The following HIVEP1 variants were observed in gnomAD, a reference collection of about 807,000 sequenced individuals.
The protein encoded by HIVEP1 is HIVEP zinc finger 1.
In HIVEP1, 36 loss-of-function variants were observed where a neutral mutation model predicts 180.0. The ratio of observed to expected loss-of-function variants is 0.20; its 90% confidence interval spans 0.15 to 0.26. The LOEUF is 0.26. HIVEP1 is among the 10% of genes least tolerant of loss of function. The probability of loss-of-function intolerance (pLI) is 1.00; values close to 1 mark genes in which losing one functional copy is unlikely to be tolerated. For missense variants in HIVEP1, 3,143 were observed against 3,268.7 expected, an observed-to-expected ratio of 0.96 and a Z score of 0.94; for synonymous variants, 1,239 against 1,239.0, an observed-to-expected ratio of 1.00 and a Z score of 0.00.
intron 2 of HIVEP1, among the ~76,000 whole-genome samples, chr6:12,057,177 A>G (rs1438297575): frequency 2.6e-5 from 4 of 152,198 alleles, no homozygotes; most frequent in African/African-American, 9.6e-5. Flanking sequence ...ATGATATTTT[A>G]GTCTTTTTAT....
the HIVEP1 span, among the ~76,000 whole-genome samples, chr6:12,178,464 T>G: frequency 6.6e-6 from 1 of 152,110 alleles, no homozygotes; most frequent in Non-Finnish European, 1.5e-5. Flanking sequence ...GCAATTCATA[T>G]TAGAAAAAAT....
In HIVEP1 at chr6:12,124,390, A is replaced by C. The variant is rs780041041; in HGVS notation, c.4595A>C (p.Gln1532Pro). 2.5e-6 allele frequency: 4 copies of C among 1,614,114 alleles called. No individual in the cohort carries two copies. The highest frequency in any genetic ancestry group is 3.4e-6 in the Non-Finnish European group (4 of 1,179,974). The stretch of plus-strand genomic sequence containing the variant: ...CACCAGAGCACACAGCTATCTCTGC[A>C]AGTGTCTACGCAGGGTAGCAAGCCA... Reference protein sequence around the residue: ...PSHQSTQLSLQVSTQGSKPDK... With the variant: ...PSHQSTQLSLPVSTQGSKPDK... Residue 1532 changes from glutamine to proline, a missense_variant, in exon 4 of 9, where the codon CAA becomes CCA. Gln to Pro is a moderately conservative substitution (Grantham distance 76). Coordinates refer to ENST00000379388, the MANE Select transcript of HIVEP1 (RefSeq NM_002114.4).
At chr6:12,022,049 G>T (rs1315883984) in intron 2 of HIVEP1, among the ~76,000 whole-genome samples, 3 of 152,220 alleles carry the variant, frequency 2.0e-5, no homozygotes, top group African/African-American at 7.2e-5. Context: ...CCTCGAGTAG[G>T]AAATGCTTCT....
At position 12,091,959 on chromosome 6, in the gene HIVEP1, G is replaced by A. The variant is rs557946052; in HGVS notation, c.94+2722G>A. Among the ~76,000 whole-genome samples the A allele has an allele frequency of 3.9e-5, 6 of 152,244 alleles. No individual in the cohort carries two copies. In the East Asian group the frequency reaches 7.7e-4, roughly 20 times the overall value. Reference sequence around the variant, plus strand: ...TTAACTGGGAAGAAATAAATAGATCGATTAGGAGAGCTTTTATGGCTTTCT... The same window carrying A: ...TTAACTGGGAAGAAATAAATAGATCAATTAGGAGAGCTTTTATGGCTTTCT... On this transcript the variant is annotated intron_variant, in intron 3 of 8. Coordinates refer to ENST00000379388, the MANE Select transcript of HIVEP1 (RefSeq NM_002114.4).
intron 3 of HIVEP1, among the ~76,000 whole-genome samples, chr6:12,108,735 C>T (rs189447882): frequency 3.9e-5 from 6 of 152,310 alleles, no homozygotes; most frequent in East Asian, 1.9e-4. Context: ...GGCCTGCAAG[C>T]GCCGCGCGCA....
At chr6:12,109,044 A>G (rs567500341) in intron 3 of HIVEP1, among the ~76,000 whole-genome samples, 2 of 152,260 alleles carry the variant, frequency 1.3e-5, no homozygotes, top group African/African-American at 4.8e-5. Context: ...CAGCGGCGCG[A>G]TCTTGGCTTA....
intron 2 of HIVEP1, among the ~76,000 whole-genome samples, chr6:12,080,009 G>C (rs1238571921): frequency 6.6e-6 from 1 of 151,666 alleles, no homozygotes; most frequent in Non-Finnish European, 1.5e-5. Flanking sequence ...CTTTGAATGA[G>C]TTATAGTGTC....
At chr6:12,072,001 A>G (rs1252710745) in intron 2 of HIVEP1, among the ~76,000 whole-genome samples, 1 of 151,690 alleles carries the variant, frequency 6.6e-6, no homozygotes, top group Non-Finnish European at 1.5e-5. Context: ...GGATTTGGCA[A>G]CCTTTTTTTG....
chr6:12,179,266 G>A, the HIVEP1 span, among the ~76,000 whole-genome samples: 1 of 152,166 alleles, frequency 6.6e-6, no homozygotes, highest in African/African-American at 2.4e-5. Flanking sequence ...TCAGCTCTGT[G>A]ACTGAGGAAG....
At chr6:12,173,866 G>C in the HIVEP1 span, among the ~76,000 whole-genome samples, 1 of 152,266 alleles carries the variant, frequency 6.6e-6, no homozygotes, top group Non-Finnish European at 1.5e-5. Context: ...GATCAGTCAT[G>C]GAAAGAAAAG....
intron 2 of HIVEP1, among the ~76,000 whole-genome samples, chr6:12,052,333 G>A (rs1355451503): frequency 6.6e-6 from 1 of 152,190 alleles, no homozygotes; most frequent in Non-Finnish European, 1.5e-5. Flanking sequence ...TGTAGAGCAT[G>A]ATGGAATATC....
At chr6:12,172,577 A>T in the HIVEP1 span, among the ~76,000 whole-genome samples, 3 of 152,198 alleles carry the variant, frequency 2.0e-5, no homozygotes, top group African/African-American at 7.2e-5. Context: ...CTAACAAGAT[A>T]TTAGATTTAA....
intron 2 of HIVEP1, among the ~76,000 whole-genome samples, chr6:12,088,413 G>T (rs960633618): frequency 1.3e-5 from 2 of 152,030 alleles, no homozygotes; most frequent in South Asian, 2.1e-4. Context: ...ATCGATTACT[G>T]CCCATGTCAT....
chr6:12,064,392 T>TC (rs1002807187), intron 2 of HIVEP1, among the ~76,000 whole-genome samples: 19 of 152,194 alleles, frequency 1.2e-4, no homozygotes, highest in African/African-American at 4.6e-4. Context: ...AATAAGGTCA[T>TC]CACAAGCAGA....
chr6:12,065,551 A>C (rs1272814032), intron 2 of HIVEP1, among the ~76,000 whole-genome samples: 1 of 152,124 alleles, frequency 6.6e-6, no homozygotes, highest in African/African-American at 2.4e-5. Context: ...TCTGGAGGCA[A>C]ATCTGCCTGG....
In HIVEP1 at chr6:12,123,173, G is replaced by A; in HGVS notation, c.3378G>A (p.Leu1126=). ...ISSAAQDKIE[L]QRHGTGISVI... is the part of the protein sequence containing the mutation. The stretch of plus-strand genomic sequence containing the variant: ...CAGCAGCCCAGGACAAGATAGAACT[G>A]CAGAGACACGGAACTGGAATCTCTG... Residue 1126 remains leucine, a synonymous_variant, in exon 4 of 9, where the codon CTG becomes CTA. Transcript: ENST00000379388. The A allele has an allele frequency of 6.2e-7, 1 of 1,614,202 alleles. No homozygotes were observed. The highest frequency in any genetic ancestry group is 8.5e-7 in the Non-Finnish European group (1 of 1,180,040).
At chr6:12,169,947 T>C (rs141692908), downstream of HIVEP1, among the ~76,000 whole-genome samples, 860 of 152,082 alleles carry the variant, frequency 5.7e-3, 5 homozygotes, top group African/African-American at 0.02. Flanking sequence ...AGCGAAACCC[T>C]GTCTCTACTA....
At chr6:12,098,710 A>C (rs1246479432) in intron 3 of HIVEP1, among the ~76,000 whole-genome samples, 1 of 152,248 alleles carries the variant, frequency 6.6e-6, no homozygotes, top group Non-Finnish European at 1.5e-5. Context: ...GTAGAAAATA[A>C]AAGTGAGAGG....
At chr6:12,099,045 A>G (rs9380781) in intron 3 of HIVEP1, among the ~76,000 whole-genome samples, 42,256 of 152,110 alleles carry the variant, frequency 0.28, 6,531 homozygotes, top group Non-Finnish European at 0.35. Context: ...AAGCATTGCA[A>G]TGAAAACAAA....
Sources: allele counts gnomAD v4.1 joint callset (sites outside exome capture counted in the v4.1 genomes callset), GRCh38; gene constraint gnomAD v4.1.1; transcripts MANE v1.5; gene names NCBI Gene and HGNC (gene_info 2026-07-23, HGNC 2026-07-21).